Variants in CNBD1 observed in about 807,000 individuals in gnomAD.
The protein encoded by CNBD1 is cyclic nucleotide-binding domain-containing protein 1.
CNBD1 carries 71 observed loss-of-function variants against 54.4 expected under a neutral mutation model. That is an observed-to-expected ratio of 1.30 (90% CI 1.08 to 1.59). The LOEUF is 1.59. CNBD1 is among the 40% of genes most tolerant of loss of function. The probability of loss-of-function intolerance (pLI) is 0.00; values close to 1 mark genes in which losing one functional copy is unlikely to be tolerated. For synonymous variants in CNBD1, 182 were observed against 170.7 expected (o/e 1.07, Z -0.51); for missense variants, 659 against 518.0 (o/e 1.27, Z -2.64).
At chr8:87,044,002 A>G (rs565266905) in intron 4 of CNBD1, among the ~76,000 whole-genome samples, 27 of 152,336 alleles carry the variant, frequency 1.8e-4, no homozygotes, top group East Asian at 1.2e-3. Context: ...AGAGCCACAC[A>G]TGGTGAAATA....
At chr8:87,229,138 C>T (rs535490562) in intron 5 of CNBD1, among the ~76,000 whole-genome samples, 39 of 152,286 alleles carry the variant, frequency 2.6e-4, no homozygotes, top group African/African-American at 6.5e-4. Context: ...CACTGACCTG[C>T]GCCCGCTGTC....
chr8:86,982,378 C>T (rs1348564209), intron 4 of CNBD1, among the ~76,000 whole-genome samples: 1 of 152,092 alleles, frequency 6.6e-6, no homozygotes, highest in Non-Finnish European at 1.5e-5. Flanking sequence ...TTTAATATGT[C>T]ACAAAATTTT....
At chr8:87,344,735 G>C (rs1810135272) in intron 8 of CNBD1, among the ~76,000 whole-genome samples, 1 of 151,984 alleles carries the variant, frequency 6.6e-6, no homozygotes, top group Non-Finnish European at 1.5e-5. Context: ...CTGTACACTT[G>C]GTACAAGTGA....
rs1238393763 is a variant in CNBD1 at position 87,127,876 on chromosome 8, A to G, written c.432-78117A>G. On this transcript the variant is annotated intron_variant, in intron 4 of 10. Transcript: ENST00000518476. ...CTGGAAACCCACAGCCCTAAATGGG[A>G]ACAGGCATTTATCTTTTCATGTCCC... 2.6e-5 allele frequency among the ~76,000 whole-genome samples: 4 copies of G among 152,132 alleles called. No individual in the cohort carries two copies. The East Asian group carries it at 7.7e-4, about 29-fold the overall frequency.
intron 4 of CNBD1, among the ~76,000 whole-genome samples, chr8:87,016,017 A>G (rs1809349192): frequency 6.7e-6 from 1 of 149,814 alleles, no homozygotes; most frequent in South Asian, 2.1e-4. Flanking sequence ...TTTATTCTGC[A>G]TAGCTGTTAT....
chr8:87,021,086 C>T (rs1366061958), intron 4 of CNBD1, among the ~76,000 whole-genome samples: 1 of 152,178 alleles, frequency 6.6e-6, no homozygotes, highest in Non-Finnish European at 1.5e-5. Flanking sequence ...CAGTGTATTT[C>T]TTAAATGTAT....
chr8:87,117,288 A>T (rs1811792247), intron 4 of CNBD1, among the ~76,000 whole-genome samples: 3 of 151,676 alleles, frequency 2.0e-5, no homozygotes, highest in Admixed American at 2.0e-4. Context: ...AATCCCAGCT[A>T]CTCAGGAGGC....
intron 6 of CNBD1, among the ~76,000 whole-genome samples, chr8:87,282,588 TAA>T (rs1808619533): frequency 6.6e-6 from 1 of 151,852 alleles, no homozygotes; most frequent in Non-Finnish European, 1.5e-5. Context: ...TTAATACTTT[TAA>T]AAATAATTCA....
intron 6 of CNBD1, among the ~76,000 whole-genome samples, chr8:87,283,001 A>G (rs1808625659): frequency 6.6e-6 from 1 of 152,036 alleles, no homozygotes; most frequent in Non-Finnish European, 1.5e-5. Context: ...ATTATCACTT[A>G]TGTATCACCG....
chr8:87,367,454 G>A (rs1351424807), intron 10 of CNBD1, among the ~76,000 whole-genome samples: 2 of 151,984 alleles, frequency 1.3e-5, no homozygotes, highest in African/African-American at 2.4e-5. Context: ...CGAGAAATCT[G>A]CTTCAAAAAT....
chr8:86,926,894 G>A (rs1809370077), intron 3 of CNBD1, among the ~76,000 whole-genome samples: 1 of 152,164 alleles, frequency 6.6e-6, no homozygotes, highest in African/African-American at 2.4e-5. Context: ...TCCTAACTGT[G>A]TAAGTAGGGG....
At chr8:86,929,840 G>A (rs1010925839) in intron 3 of CNBD1, among the ~76,000 whole-genome samples, 1 of 152,170 alleles carries the variant, frequency 6.6e-6, no homozygotes, top group Non-Finnish European at 1.5e-5. Context: ...TCCGTAAACA[G>A]TGAGGCCAGC....
chr8:87,058,846 CATTTGGCTT>C (rs1482458851), intron 4 of CNBD1, among the ~76,000 whole-genome samples: 1 of 152,208 alleles, frequency 6.6e-6, no homozygotes, highest in Non-Finnish European at 1.5e-5. Context: ...TGGAGATTAA[CATTTGGCTT>C]ATTGTTACTT....
intron 4 of CNBD1, among the ~76,000 whole-genome samples, chr8:87,071,619 G>C (rs1436418898): frequency 2.0e-5 from 3 of 151,964 alleles, no homozygotes; most frequent in Non-Finnish European, 4.4e-5. Context: ...GTAGGGTGGT[G>C]GTAGTGGAAT....
At chr8:87,324,379 T>C (rs1809620074) in intron 8 of CNBD1, among the ~76,000 whole-genome samples, 1 of 127,444 alleles carries the variant, frequency 7.8e-6, no homozygotes, top group Non-Finnish European at 1.8e-5. Flanking sequence ...GAAGGAATGG[T>C]ACCAGTTCCT....
chr8:87,359,075 G>A (rs192214787), intron 10 of CNBD1, among the ~76,000 whole-genome samples: 36 of 152,220 alleles, frequency 2.4e-4, no homozygotes, highest in African/African-American at 5.5e-4. Context: ...GCATCCCTTA[G>A]CCCAGTCAAG....
intron 10 of CNBD1, among the ~76,000 whole-genome samples, chr8:87,371,049 G>A (rs1290000447): frequency 0.011 from 1,673 of 150,350 alleles, 11 homozygotes; most frequent in Non-Finnish European, 0.016. Flanking sequence ...GATATGCGGC[G>A]TTATTTCTGA....
chr8:86,905,575 T>G (rs1809005336), intron 3 of CNBD1, among the ~76,000 whole-genome samples: 1 of 152,170 alleles, frequency 6.6e-6, no homozygotes, highest in African/African-American at 2.4e-5. Context: ...TATCAAGGTA[T>G]AAATCACAAA....
chr8:86,893,505 T>C (rs1270406182), intron 2 of CNBD1, among the ~76,000 whole-genome samples: 1 of 152,128 alleles, frequency 6.6e-6, no homozygotes, highest in Non-Finnish European at 1.5e-5. Flanking sequence ...TTACTCAAAT[T>C]AGAGGAGTTG....
Sources: gnomAD v4.1 joint callset for allele counts (sites outside exome capture counted in the v4.1 genomes callset) on GRCh38, gnomAD v4.1.1 for gene constraint, MANE v1.5 for transcripts, NCBI Gene and HGNC (gene_info 2026-07-23, HGNC 2026-07-21) for gene names.